Variants in ASIC2 observed in about 807,000 individuals in gnomAD.
ASIC2 encodes acid sensing ion channel subunit 2.
ASIC2 carries 25 observed loss-of-function variants against 57.3 expected under a neutral mutation model. The ratio of observed to expected loss-of-function variants is 0.44; its 90% CI spans 0.32 to 0.61. The LOEUF (loss-of-function observed/expected upper bound fraction) is 0.61, where lower values mean the gene tolerates loss of function less well. Ranked by LOEUF, ASIC2 falls within the 20% of genes least tolerant of loss-of-function variation. ASIC2 has a pLI of 0.06. For synonymous variants in ASIC2, 319 were observed against 307.5 expected (o/e 1.04, Z -0.39); for missense variants, 641 against 738.1 (o/e 0.87, Z 1.52).
In ASIC2 at chr17:33,286,749, C is replaced by A. The variant is rs528909709; in HGVS notation, c.708+4659G>T. On this transcript the variant is annotated intron_variant, in intron 1 of 9. Coordinates refer to ENST00000225823, the MANE Select transcript of ASIC2 (RefSeq NM_183377.2). The stretch of plus-strand genomic sequence containing the variant: ...AGATCCCCAGTCTGATCCTTGGAGC[C>A]CACACAGCACCTCTGTACGCTCCTG... 7.2e-5 allele frequency among the ~76,000 whole-genome samples: 11 copies of A among 152,258 alleles called. No homozygotes were observed. In the East Asian group the frequency reaches 1.9e-3, roughly 27 times the overall value.
chr17:33,777,122 C>T (rs544922049), intron 1 of ASIC2, among the ~76,000 whole-genome samples: 2 of 152,352 alleles, frequency 1.3e-5, no homozygotes, highest in Admixed American at 6.5e-5. Flanking sequence ...TGTAAGCTGG[C>T]GCCCGCTGAT....
At chr17:33,766,892 T>C (rs1910951179) in intron 1 of ASIC2, among the ~76,000 whole-genome samples, 1 of 152,230 alleles carries the variant, frequency 6.6e-6, no homozygotes, top group African/African-American at 2.4e-5. Flanking sequence ...TGTCAGTGGA[T>C]TTTGATGGCG....
Position 33,125,264 on chromosome 17 carries a change from A to G in ASIC2, c.709-13197T>C, listed in dbSNP as rs181002895. ...CTTGCATATTTGACAAATATTTCTT[A>G]GACTTGGCCCCTGTACCATAGAAGA... On this transcript the variant is annotated intron_variant, in intron 1 of 9. Coordinates refer to ENST00000225823, the MANE Select transcript of ASIC2 (RefSeq NM_183377.2). 2.6e-5 allele frequency among the ~76,000 whole-genome samples: 4 copies of G among 152,344 alleles called. No individual in the cohort carries two copies. The South Asian group carries it at 6.2e-4, about 24-fold the overall frequency.
At chr17:33,847,112 C>T (rs545575038) in intron 1 of ASIC2, among the ~76,000 whole-genome samples, 1 of 151,598 alleles carries the variant, frequency 6.6e-6, no homozygotes, top group Non-Finnish European at 1.5e-5. Flanking sequence ...ATAGCTCCAA[C>T]GACCTCTTTG....
intron 1 of ASIC2, among the ~76,000 whole-genome samples, chr17:33,956,308 G>A (rs1348588037): frequency 6.6e-6 from 1 of 152,210 alleles, no homozygotes; most frequent in East Asian, 1.9e-4. Context: ...ATTGACCTGA[G>A]AGAGGCTGTA....
chr17:33,209,968 C>T (rs1907211007), intron 1 of ASIC2, among the ~76,000 whole-genome samples: 1 of 152,170 alleles, frequency 6.6e-6, no homozygotes, highest in African/African-American at 2.4e-5. Flanking sequence ...CTGTTTTGGT[C>T]TTGAGCACAG....
At chr17:33,754,975 A>G (rs1267202611) in intron 1 of ASIC2, among the ~76,000 whole-genome samples, 1 of 150,482 alleles carries the variant, frequency 6.6e-6, no homozygotes, top group African/African-American at 2.4e-5. Context: ...AAAAAAAAAA[A>G]AAAAGAACAG....
intron 1 of ASIC2, among the ~76,000 whole-genome samples, chr17:33,920,850 A>G (rs971297989): frequency 5.3e-5 from 8 of 152,140 alleles, no homozygotes; most frequent in Admixed American, 5.2e-4. Flanking sequence ...ACCACACAAC[A>G]TCATCCCCAG....
chr17:33,629,156 G>T (rs1423969817), intron 1 of ASIC2, among the ~76,000 whole-genome samples: 3 of 152,096 alleles, frequency 2.0e-5, no homozygotes, highest in African/African-American at 7.2e-5. Flanking sequence ...GGTCCCCCTG[G>T]CTCCCATCCC....
In ASIC2 at chr17:33,028,358, C is replaced by T. The variant is rs141390557; in HGVS notation, c.1022G>A (p.Arg341Gln). The change falls in exon 4 of 10, where the codon CGA becomes CAA. Residue 341 changes from arginine to glutamine, a missense_variant. Around this residue, in one of 3 missense-constraint regions of ASIC2, gnomAD observed 252 missense variants for 319.8 expected, o/e 0.79. Transcript: ENST00000225823. ...AAAGTCGAGGCCCATCTCTGAGGATCGGCACTCACCCCACGGTGGGGGCAG... is the reference window on the plus strand; with the variant it reads ...AAAGTCGAGGCCCATCTCTGAGGATTGGCACTCACCCCACGGTGGGGGCAG... Reference protein sequence around the residue: ...TYLPPPWGECRSSEMGLDFFP... With the variant: ...TYLPPPWGECQSSEMGLDFFP... The T allele has an allele frequency of 2.5e-5, 40 of 1,614,082 alleles. No individual in the cohort carries two copies. Among genetic ancestry groups the T allele is most frequent in the Admixed American group, 6.7e-5 (4 of 60,026 alleles).
chr17:33,712,491 G>A (rs898883885), intron 1 of ASIC2, among the ~76,000 whole-genome samples: 6 of 152,120 alleles, frequency 3.9e-5, no homozygotes, highest in African/African-American at 1.4e-4. Flanking sequence ...CAGTTTCTGT[G>A]GGTAAAGAAT....
At chr17:33,497,760 T>TA (rs999984216) in intron 1 of ASIC2, among the ~76,000 whole-genome samples, 3 of 151,638 alleles carry the variant, frequency 2.0e-5, no homozygotes, top group South Asian at 2.1e-4. Context: ...TTTTTTCAGA[T>TA]AAAAAAAAGG....
intron 1 of ASIC2, among the ~76,000 whole-genome samples, chr17:33,922,229 G>A (rs897092141): frequency 2.6e-5 from 4 of 152,094 alleles, no homozygotes; most frequent in Admixed American, 2.6e-4. Flanking sequence ...TCAGAGACAA[G>A]TTCAATACAT....
At chr17:33,043,183 C>G (rs2091936538) in intron 3 of ASIC2, among the ~76,000 whole-genome samples, 1 of 152,184 alleles carries the variant, frequency 6.6e-6, no homozygotes, top group South Asian at 2.1e-4. Context: ...CCTCGGCCTC[C>G]TAAAGTGCTG....
chr17:33,038,790 A>T (rs1036202330), intron 3 of ASIC2, among the ~76,000 whole-genome samples: 1 of 152,136 alleles, frequency 6.6e-6, no homozygotes, highest in Admixed American at 6.5e-5. Flanking sequence ...GGACATCCTT[A>T]TGTTGTTCTT....
chr17:33,427,193 C>T (rs1293853159), intron 1 of ASIC2, among the ~76,000 whole-genome samples: 1 of 152,126 alleles, frequency 6.6e-6, no homozygotes, highest in Non-Finnish European at 1.5e-5. Context: ...CAATTTTAAA[C>T]AGGAGTGTAA....
In ASIC2 at chr17:33,436,853, CTTTTTTTTTTTTTT is replaced by C. The variant is rs71144877; in HGVS notation, c.556-324800_556-324787del. 9.5e-3 allele frequency among the ~76,000 whole-genome samples: 631 copies of C among 66,620 alleles called. 12 individuals carry two copies. The highest frequency in any genetic ancestry group is 0.029 in the African/African-American group (572 of 20,034). 43.7% of individuals were successfully genotyped at this position (66,620 alleles called of 152,430 possible). ...AATGCCTTAAAACACATTCCAACTTCTTTTTTTTTTTTTTTTTTTTTTTTTTTTTTGAGACGGAG... is the reference window on the plus strand; with the variant it reads ...AATGCCTTAAAACACATTCCAACTTCTTTTTTTTTTTTTTTTGAGACGGAG... On this transcript the variant is annotated intron_variant, in intron 1 of 9. Transcript: ENST00000359872.
At chr17:33,164,854 C>T (rs947910325) in intron 1 of ASIC2, among the ~76,000 whole-genome samples, 1 of 152,108 alleles carries the variant, frequency 6.6e-6, no homozygotes, top group Non-Finnish European at 1.5e-5. Flanking sequence ...AGGAGCTGGT[C>T]ACTTGGCCAT....
At chr17:33,793,566 A>G (rs1257880402) in intron 1 of ASIC2, 1 of 152,244 alleles carries the variant, frequency 6.6e-6, no homozygotes, top group Non-Finnish European at 1.5e-5. Context: ...TTATTGTCTC[A>G]TTATGTAGAT....
Sources: gnomAD v4.1 joint callset for allele counts (sites outside exome capture counted in the v4.1 genomes callset) on GRCh38, gnomAD v4.1.1 for gene constraint, gnomAD v4.1.1 regional missense constraint, MANE v1.5 for transcripts, NCBI Gene and HGNC (gene_info 2026-07-23, HGNC 2026-07-21) for gene names.